SYT9: variants seen among roughly 807,000 people sequenced by gnomAD.
SYT9 encodes the protein synaptotagmin-9.
SYT9 carries 22 observed loss-of-function variants against 48.4 expected under a neutral mutation model. The observed-to-expected ratio is 0.45, with a 90% confidence interval of 0.32 to 0.65. The LOEUF is 0.65. Among genes scored for constraint, SYT9 ranks in the 30% least tolerant of loss-of-function variants. SYT9 has a pLI of 0.03. For missense variants in SYT9, 577 were observed against 622.0 expected, an observed-to-expected ratio of 0.93 and a Z score of 0.77; for synonymous variants, 265 against 245.0, an observed-to-expected ratio of 1.08 and a Z score of -0.76.
At chr11:7,425,931 C>T (rs920452343) in intron 6 of SYT9, among the ~76,000 whole-genome samples, 1 of 151,944 alleles carries the variant, frequency 6.6e-6, no homozygotes, top group Non-Finnish European at 1.5e-5. Flanking sequence ...TGAATGAAAA[C>T]AGAAAAAACA....
chr11:7,355,397 C>A (rs996307101), intron 3 of SYT9, among the ~76,000 whole-genome samples: 1 of 152,206 alleles, frequency 6.6e-6, no homozygotes, highest in African/African-American at 2.4e-5. Context: ...TACCACAACA[C>A]AAAATATTAG....
At chr11:7,296,581 C>A (rs1848811994) in intron 1 of SYT9, among the ~76,000 whole-genome samples, 1 of 152,150 alleles carries the variant, frequency 6.6e-6, no homozygotes, top group Non-Finnish European at 1.5e-5. Context: ...CCTTCTTCTT[C>A]CTGTGTCTCT....
At chr11:7,366,771 G>A (rs908773352) in intron 3 of SYT9, among the ~76,000 whole-genome samples, 1 of 151,992 alleles carries the variant, frequency 6.6e-6, no homozygotes, top group Non-Finnish European at 1.5e-5. Context: ...GGGGCCAAAT[G>A]TTATATATAT....
At chr11:7,334,677 T>C (rs1438747030) in intron 3 of SYT9, among the ~76,000 whole-genome samples, 1 of 55,376 alleles carries the variant, frequency 1.8e-5, no homozygotes, top group African/African-American at 4.8e-5. Flanking sequence ...GGTGTTGATC[T>C]GTTTTGTCAC....
rs546087355 is a variant in SYT9 at position 7,305,466 on chromosome 11, A to G, written c.497+2076A>G. Among the ~76,000 whole-genome samples, 10 of 152,308 alleles carry G rather than the reference A, an allele frequency of 6.6e-5. 1 individual carries two copies. The South Asian group carries it at 2.1e-3, about 32-fold the overall frequency. ...CAATAAGAGCAGTACATGGTCTTCT[A>G]ATTCTTTGAGGATTGTGTTGCATCA... On this transcript the variant is annotated intron_variant, in intron 2 of 6. Transcript: ENST00000318881.
intron 3 of SYT9, among the ~76,000 whole-genome samples, chr11:7,360,982 G>T (rs1445990403): frequency 6.6e-6 from 1 of 151,876 alleles, no homozygotes; most frequent in Non-Finnish European, 1.5e-5. Context: ...AAATTTCTTG[G>T]CATAAAGTTG....
intron 3 of SYT9, among the ~76,000 whole-genome samples, chr11:7,314,585 A>G (rs1040101107): frequency 6.6e-6 from 1 of 152,238 alleles, no homozygotes; most frequent in Non-Finnish European, 1.5e-5. Context: ...ATGTAGTGGT[A>G]CCATACGTCT....
At chr11:7,284,404 A>G (rs935534571) in intron 1 of SYT9, among the ~76,000 whole-genome samples, 1 of 152,166 alleles carries the variant, frequency 6.6e-6, no homozygotes, top group Non-Finnish European at 1.5e-5. Context: ...TTTTCAAAAG[A>G]GAAACATGGT....
intron 1 of SYT9, among the ~76,000 whole-genome samples, chr11:7,259,907 C>T (rs183637202): frequency 4.1e-4 from 62 of 151,992 alleles, no homozygotes; most frequent in African/African-American, 2.7e-4. Flanking sequence ...AATAGGGATT[C>T]GTTGTAACAC....
intron 6 of SYT9, among the ~76,000 whole-genome samples, chr11:7,464,181 CAA>C (rs986740075): frequency 2.0e-5 from 3 of 152,164 alleles, no homozygotes; most frequent in African/African-American, 7.2e-5. Flanking sequence ...TGGGGGCAAA[CAA>C]GATACATATG....
At chr11:7,334,264 C>A (rs1425117258) in intron 3 of SYT9, among the ~76,000 whole-genome samples, 1 of 152,092 alleles carries the variant, frequency 6.6e-6, no homozygotes, top group African/African-American at 2.4e-5. Context: ...AAGAATAAGT[C>A]TTTGAGTCTT....
chr11:7,297,265 G>A (rs942562192), intron 1 of SYT9, among the ~76,000 whole-genome samples: 4 of 152,056 alleles, frequency 2.6e-5, no homozygotes, highest in Non-Finnish European at 5.9e-5. Flanking sequence ...CTTTCCATCA[G>A]GAAATTGACA....
intron 1 of SYT9, among the ~76,000 whole-genome samples, chr11:7,283,084 A>C (rs1027143983): frequency 6.7e-6 from 1 of 149,698 alleles, no homozygotes; most frequent in South Asian, 2.1e-4. Flanking sequence ...AATTCCCACT[A>C]TTCTGTAAAT....
At chr11:7,380,986 G>C (rs906515909) in intron 3 of SYT9, among the ~76,000 whole-genome samples, 2 of 152,086 alleles carry the variant, frequency 1.3e-5, no homozygotes, top group Admixed American at 6.5e-5. Flanking sequence ...ATTATGCCTA[G>C]TGTGCCATAC....
intron 6 of SYT9, 151 bp downstream of exon 6, chr11:7,420,786 T>C: frequency 1.1e-6 from 1 of 910,346 alleles, no homozygotes; most frequent in Non-Finnish European, 1.6e-6. Context: ...GGACTTGCAT[T>C]CAATTTGAGG....
intron 1 of SYT9, 140 bp from the exon 2 acceptor site, chr11:7,302,899 C>T (rs753970392): frequency 2.5e-5 from 18 of 707,220 alleles, no homozygotes; most frequent in Admixed American, 5.2e-5. Context: ...ATTAAGTAAC[C>T]CAGCCATGCG....
intron 1 of SYT9, among the ~76,000 whole-genome samples, chr11:7,245,700 G>A (rs1018292302): frequency 3.3e-5 from 5 of 152,160 alleles, no homozygotes; most frequent in Non-Finnish European, 7.4e-5. Flanking sequence ...TCATCACATC[G>A]TAGATGGTGG....
chr11:7,240,536 T>A (rs1225575440), intron 1 of SYT9, among the ~76,000 whole-genome samples: 1 of 152,200 alleles, frequency 6.6e-6, no homozygotes, highest in East Asian at 1.9e-4. Context: ...CAAACAAGCT[T>A]TGAATACGTC....
intron 1 of SYT9, among the ~76,000 whole-genome samples, chr11:7,302,745 A>T (rs1479969773): frequency 6.6e-6 from 1 of 152,214 alleles, no homozygotes; most frequent in African/African-American, 2.4e-5. Context: ...AGGGCATTCT[A>T]GTCCCCATGA....
Sources: gnomAD v4.1 joint callset for allele counts (sites outside exome capture counted in the v4.1 genomes callset) on GRCh38, gnomAD v4.1.1 for gene constraint, MANE v1.5 for transcripts, NCBI Gene and HGNC (gene_info 2026-07-23, HGNC 2026-07-21) for gene names.